Variants in PTPRN2 observed in about 807,000 individuals in gnomAD.
PTPRN2 encodes the protein protein tyrosine phosphatase receptor type N2.
A neutral mutation model predicts 118.8 loss-of-function variants in PTPRN2; 74 were observed. That is an observed-to-expected ratio of 0.62 (90% CI 0.52 to 0.76). The LOEUF (loss-of-function observed/expected upper bound fraction) is 0.76. Ranked by LOEUF, PTPRN2 falls within the 30% of genes least tolerant of loss-of-function variation. The probability of loss-of-function intolerance (pLI) is 0.00; values close to 1 mark genes in which losing one functional copy is unlikely to be tolerated. For synonymous variants in PTPRN2, 641 were observed against 608.0 expected, an observed-to-expected ratio of 1.05 and a Z score of -0.80; for missense variants, 1,481 against 1,394.4, an observed-to-expected ratio of 1.06 and a Z score of -0.99.
rs1229458360 is a variant in PTPRN2, at chr7:157,813,706, T to A, written c.1788+84967A>T. Among the ~76,000 whole-genome samples, 1 of 151,926 alleles carries A rather than the reference T, an allele frequency of 6.6e-6. No homozygotes were observed. Among genetic ancestry groups the A allele is most frequent in the Non-Finnish European group, 1.5e-5 (1 of 68,036 alleles). ...CCACTGAGGAATGAGCATTGCTTTT[T>A]AATTAGCAGCTGCCCCGAGTGCTCC... On this transcript the variant is annotated intron_variant, in intron 12 of 22. Transcript: ENST00000389418. This position sits in a 1 kb window ranked among gnomAD's most constrained non-coding sequence, Gnocchi z 4.7.
At chr7:158,335,642 CGT>C (rs1477667679) in intron 2 of PTPRN2, among the ~76,000 whole-genome samples, 1 of 15,344 alleles carries the variant, frequency 6.5e-5, no homozygotes, top group Non-Finnish European at 1.8e-4. Flanking sequence ...ACGTCACTCA[CGT>C]ACACACTTCT....
chr7:158,151,818 G>A lies in PTPRN2; in HGVS notation c.911-13303C>T, dbSNP rs1007450324. Among the ~76,000 whole-genome samples, 7 of 152,278 alleles carry A rather than the reference G, an allele frequency of 4.6e-5. No individual in the cohort carries two copies. In the East Asian group the frequency reaches 9.7e-4, roughly 21 times the overall value. On this transcript the variant is annotated intron_variant, in intron 6 of 22. Coordinates refer to ENST00000389418, the MANE Select transcript of PTPRN2 (RefSeq NM_002847.5). ...TTTGAAGGCGCAGAGATAAATCCAT[G>A]AGCAAAGTCCTTGCTTTTGTGTGAC... is the stretch of plus-strand genomic sequence containing the variant.
chr7:158,089,688 T>C (rs372458288), intron 10 of PTPRN2, among the ~76,000 whole-genome samples: 31 of 116,936 alleles, frequency 2.7e-4, no homozygotes, highest in African/African-American at 3.3e-4. Flanking sequence ...CTTCCCCTGA[T>C]GAAAGAGGGG....
chr7:157,557,572 A>ACACACT (rs780062067), intron 21 of PTPRN2, among the ~76,000 whole-genome samples: 5 of 148,886 alleles, frequency 3.4e-5, no homozygotes, highest in African/African-American at 1.2e-4. Context: ...ACACACACAC[A>ACACACT]CTCTCCTGGG....
At chr7:157,809,639 A>AGGACGGAGACG (rs1805854831) in intron 12 of PTPRN2, among the ~76,000 whole-genome samples, 2 of 152,140 alleles carry the variant, frequency 1.3e-5, no homozygotes, top group Admixed American at 1.3e-4. Context: ...ACACGCCCCG[A>AGGACGGAGACG]GGACGGAGAC....
At chr7:158,436,855 G>A (rs1207018340) in intron 2 of PTPRN2, among the ~76,000 whole-genome samples, 4 of 152,146 alleles carry the variant, frequency 2.6e-5, no homozygotes. Flanking sequence ...ACTAATTTTA[G>A]AGTGATGTTC....
At chr7:157,970,432 G>C (rs925000904) in intron 11 of PTPRN2, among the ~76,000 whole-genome samples, 1 of 152,204 alleles carries the variant, frequency 6.6e-6, no homozygotes, top group African/African-American at 2.4e-5. Flanking sequence ...AAGAAAGAAG[G>C]GGAAAGTCTC....
At chr7:158,044,839 GTC>G (rs1401839445) in intron 11 of PTPRN2, among the ~76,000 whole-genome samples, 1 of 152,196 alleles carries the variant, frequency 6.6e-6, no homozygotes, top group East Asian at 1.9e-4. Flanking sequence ...GTACAAAAGA[GTC>G]TGCTGCAGGA....
chr7:157,715,946 C>T (rs1475219635), intron 12 of PTPRN2, among the ~76,000 whole-genome samples: 1 of 152,254 alleles, frequency 6.6e-6, no homozygotes, highest in Non-Finnish European at 1.5e-5. Context: ...GCTACACCAG[C>T]TCTGGGGTTC....
rs565243589 is a variant in PTPRN2 at position 157,787,030 on chromosome 7, C to T, written c.1789-104093G>A. Among the ~76,000 whole-genome samples the T allele has an allele frequency of 4.1e-5, 6 of 147,974 alleles. No individual in the cohort carries two copies. The highest frequency in any genetic ancestry group is 6.7e-5 in the Admixed American group (1 of 14,868). ...GGGCAGGAGGCGGACACAGGTGCGG[C>T]GGGGGACGCGGGGGTGGCTGCCCGG... On this transcript the variant is annotated intron_variant, in intron 12 of 22. Transcript: ENST00000389418. This position sits in a 1 kb window ranked among gnomAD's most constrained non-coding sequence, Gnocchi z 5.3.
intron 11 of PTPRN2, among the ~76,000 whole-genome samples, chr7:158,062,773 C>T (rs561973749): frequency 1.2e-4 from 18 of 152,342 alleles, no homozygotes; most frequent in South Asian, 4.1e-4. Flanking sequence ...ACCAGCACTG[C>T]GCTCAAATTC....
chr7:158,259,417 G>T (rs1231960866), intron 3 of PTPRN2, among the ~76,000 whole-genome samples: 1 of 152,210 alleles, frequency 6.6e-6, no homozygotes, highest in Non-Finnish European at 1.5e-5. Flanking sequence ...CTGCTGTGCT[G>T]CAGGGAAGAG....
chr7:158,486,438 G>A (rs5016021), intron 2 of PTPRN2, among the ~76,000 whole-genome samples: 29,192 of 152,176 alleles, frequency 0.19, 3,309 homozygotes, highest in East Asian at 0.41. Flanking sequence ...AATCAAATCC[G>A]CTTTAAAAAT....
intron 4 of PTPRN2, among the ~76,000 whole-genome samples, chr7:158,196,920 A>G (rs1470422556): frequency 6.6e-6 from 1 of 152,230 alleles, no homozygotes; most frequent in Non-Finnish European, 1.5e-5. Flanking sequence ...CATCATCCCC[A>G]GCAGAGCTCC....
Position 158,078,933 on chromosome 7 carries a change from T to C in PTPRN2, c.1723+2365A>G, listed in dbSNP as rs576473747. On this transcript the variant is annotated intron_variant, in intron 11 of 22. Transcript: ENST00000389418. ...TGCAATCTTGGCTCACTGCAACCTC[T>C]GCCTCTTGGGTTTAAGTGATTCTCC... Among the ~76,000 whole-genome samples the C allele has an allele frequency of 2.6e-5, 4 of 152,342 alleles. No individual in the cohort carries two copies. The South Asian group carries it at 6.2e-4, about 24-fold the overall frequency.
chr7:157,902,661 C>T (rs777933512), intron 11 of PTPRN2, among the ~76,000 whole-genome samples: 5 of 152,194 alleles, frequency 3.3e-5, no homozygotes, highest in South Asian at 2.1e-4. Context: ...CCGAGTGTGA[C>T]GCGCGTCAGG....
At chr7:157,975,445 T>C (rs1563289466) in intron 11 of PTPRN2, among the ~76,000 whole-genome samples, 1 of 152,158 alleles carries the variant, frequency 6.6e-6, no homozygotes, top group Non-Finnish European at 1.5e-5. Context: ...CCTCTTGCTC[T>C]CCTGGGTCAG....
At chr7:158,306,873 T>TGA (rs1801339474) in intron 3 of PTPRN2, among the ~76,000 whole-genome samples, 2 of 146,402 alleles carry the variant, frequency 1.4e-5, no homozygotes, top group African/African-American at 2.6e-5. Context: ...TTTTTTTTTT[T>TGA]TTTTTTTTTT....
At position 157,629,178 on chromosome 7, in the gene PTPRN2, C is replaced by T. The variant is rs1803785361; in HGVS notation, c.2197-7669G>A. Among the ~76,000 whole-genome samples, 1 of 152,068 alleles carries T rather than the reference C, an allele frequency of 6.6e-6. No homozygotes were observed. Among genetic ancestry groups the T allele is most frequent in the African/African-American group, 2.4e-5 (1 of 41,396 alleles). On this transcript the variant is annotated intron_variant, in intron 14 of 22. Coordinates refer to ENST00000389418, the MANE Select transcript of PTPRN2 (RefSeq NM_002847.5). This position sits in a 1 kb window ranked among gnomAD's most constrained non-coding sequence, Gnocchi z 4.4. ...AGATGTGGTTCCATGTGAATCCCGT[C>T]CACAGGCACTGGGATCCTGGGTCAG...
Sources: gnomAD v4.1 joint callset for allele counts (sites outside exome capture counted in the v4.1 genomes callset) on GRCh38, gnomAD v4.1.1 for gene constraint, Gnocchi (gnomAD v3.1) non-coding constraint, MANE v1.5 for transcripts, NCBI Gene and HGNC (gene_info 2026-07-23, HGNC 2026-07-21) for gene names.